Variants in SNX9 observed in about 807,000 individuals in gnomAD.
The protein encoded by SNX9 is sorting nexin 9.
Under a neutral mutation model 89.4 loss-of-function variants are expected in SNX9, and 44 were observed. The ratio of observed to expected loss-of-function variants is 0.49; its 90% CI spans 0.39 to 0.63. The LOEUF (loss-of-function observed/expected upper bound fraction) is 0.63, where lower values mean the gene tolerates loss of function less well. Ranked by LOEUF, SNX9 falls within the 30% of genes least tolerant of loss-of-function variation. The probability of loss-of-function intolerance (pLI) is 0.00; values close to 1 mark genes in which losing one functional copy is unlikely to be tolerated. For missense variants in SNX9, 578 were observed against 736.1 expected, an observed-to-expected ratio of 0.79 and a Z score of 2.49; for synonymous variants, 236 against 247.8, an observed-to-expected ratio of 0.95 and a Z score of 0.45.
chr6:157,927,050 A>T, intron 10 of SNX9, 61 bp from the exon 11 acceptor site: 1 of 1,326,008 alleles, frequency 7.5e-7, no homozygotes, highest in South Asian at 1.2e-5. Context: ...CCTGTTTGGG[A>T]ATTTTGAAGA....
intron 2 of SNX9, 38 bp from the exon 3 acceptor site, chr6:157,873,064 A>ATT: frequency 6.8e-7 from 1 of 1,470,716 alleles, no homozygotes; most frequent in Non-Finnish European, 9.2e-7. Flanking sequence ...CTCAACTGTA[A>ATT]TCTTTTTCTT....
intron 1 of SNX9, among the ~76,000 whole-genome samples, chr6:157,858,120 G>A (rs1044613093): frequency 4.6e-5 from 7 of 152,190 alleles, no homozygotes; most frequent in African/African-American, 7.2e-5. Flanking sequence ...GATCCTGGCA[G>A]CAAGAGATGG....
At chr6:157,867,791 T>C (rs1378413420) in intron 2 of SNX9, among the ~76,000 whole-genome samples, 158 bp downstream of exon 2, 3 of 152,240 alleles carry the variant, frequency 2.0e-5, no homozygotes, top group African/African-American at 7.2e-5. Context: ...ACATGATTTT[T>C]TTCCTGTTGC....
chr6:157,848,814 C>T (rs932643442), intron 1 of SNX9, among the ~76,000 whole-genome samples: 7 of 152,168 alleles, frequency 4.6e-5, no homozygotes, highest in African/African-American at 1.7e-4. Context: ...TAAGGCCGTC[C>T]ATGGGAGGGA....
At chr6:157,894,384 A>T (rs984152370) in intron 4 of SNX9, among the ~76,000 whole-genome samples, 1 of 149,992 alleles carries the variant, frequency 6.7e-6, no homozygotes, top group East Asian at 2.0e-4. Context: ...TGGTAGGATT[A>T]TAGGCATGAG....
intron 1 of SNX9, among the ~76,000 whole-genome samples, chr6:157,840,742 G>A (rs1367071528): frequency 1.3e-5 from 2 of 152,142 alleles, no homozygotes; most frequent in African/African-American, 4.8e-5. Flanking sequence ...GAATACCCCA[G>A]TCAAATCAGC....
intron 10 of SNX9, among the ~76,000 whole-genome samples, chr6:157,926,898 T>G (rs1188409332): frequency 6.6e-6 from 1 of 152,112 alleles, no homozygotes; most frequent in East Asian, 1.9e-4. Context: ...TTGGTCCCAT[T>G]AGGACCATTC....
intron 1 of SNX9, among the ~76,000 whole-genome samples, chr6:157,854,253 G>A (rs1216965141): frequency 6.6e-6 from 1 of 152,200 alleles, no homozygotes; most frequent in Admixed American, 6.5e-5. Flanking sequence ...AAGCAATAAA[G>A]CTATTTTAAT....
chr6:157,829,095 A>T (rs1781435894), intron 1 of SNX9: 1 of 147,650 alleles, frequency 6.8e-6, no homozygotes, highest in African/African-American at 2.7e-5. Context: ...TGTATTTGTT[A>T]AAAGTGTATA....
At chr6:157,891,029 T>TC (rs1562606757) in intron 4 of SNX9, among the ~76,000 whole-genome samples, 22 of 114,782 alleles carry the variant, frequency 1.9e-4, no homozygotes, top group African/African-American at 7.4e-4. Context: ...TTCTTTCTCT[T>TC]TTTTTTTTTT....
intron 4 of SNX9, among the ~76,000 whole-genome samples, chr6:157,888,797 G>A (rs1782791299): frequency 6.6e-6 from 1 of 152,202 alleles, no homozygotes; most frequent in Non-Finnish European, 1.5e-5. Flanking sequence ...GATGTGGGAT[G>A]TGGAATATGT....
intron 4 of SNX9, among the ~76,000 whole-genome samples, chr6:157,882,675 C>T (rs997270163): frequency 6.6e-6 from 1 of 152,168 alleles, no homozygotes; most frequent in Admixed American, 6.5e-5. Flanking sequence ...AAGGAAGTAA[C>T]TGCAGATGTG....
intron 10 of SNX9, among the ~76,000 whole-genome samples, chr6:157,923,762 G>A (rs947116434): frequency 1.3e-5 from 2 of 152,200 alleles, no homozygotes; most frequent in Non-Finnish European, 2.9e-5. Flanking sequence ...CCAACCAGTA[G>A]AGCAGAGTAG....
intron 1 of SNX9, among the ~76,000 whole-genome samples, chr6:157,832,372 G>A (rs373007651): frequency 2.0e-5 from 3 of 152,154 alleles, no homozygotes; most frequent in African/African-American, 7.2e-5. Flanking sequence ...AGTATGAAAG[G>A]CCTGTCCTTG....
chr6:157,843,054 G>C (rs2115115158), intron 1 of SNX9, among the ~76,000 whole-genome samples: 2 of 152,266 alleles, frequency 1.3e-5, no homozygotes, highest in East Asian at 1.9e-4. Context: ...AAGCAAGATA[G>C]AGTTGGTTAG....
intron 9 of SNX9, among the ~76,000 whole-genome samples, chr6:157,917,961 A>G (rs1783508603): frequency 6.6e-6 from 1 of 152,034 alleles, no homozygotes; most frequent in African/African-American, 2.4e-5. Context: ...CTCCAGTTTT[A>G]TTATGTTCAG....
At chr6:157,870,801 A>G (rs754176798) in intron 2 of SNX9, among the ~76,000 whole-genome samples, 7 of 149,448 alleles carry the variant, frequency 4.7e-5, no homozygotes, top group Non-Finnish European at 7.4e-5. Context: ...GTGCAAGCAC[A>G]CACACCCCTC....
At chr6:157,840,206 G>T (rs1401714122) in intron 1 of SNX9, among the ~76,000 whole-genome samples, 7 of 127,790 alleles carry the variant, frequency 5.5e-5, no homozygotes, top group Non-Finnish European at 9.9e-5. Context: ...GGTGCTTGGG[G>T]TGTCTTTGGA....
At chr6:157,927,498 G>A (rs1464358883) in intron 11 of SNX9, among the ~76,000 whole-genome samples, 2 of 152,094 alleles carry the variant, frequency 1.3e-5, no homozygotes, top group Admixed American at 6.5e-5. Context: ...GAAACCAAGC[G>A]GCATGGAGCC....
Sources: gnomAD v4.1 joint callset for allele counts (sites outside exome capture counted in the v4.1 genomes callset) on GRCh38, gnomAD v4.1.1 for gene constraint, MANE v1.5 for transcripts, NCBI Gene and HGNC (gene_info 2026-07-23, HGNC 2026-07-21) for gene names.